CNTNAP2: variants seen among roughly 807,000 people sequenced by gnomAD.
CNTNAP2 encodes the protein contactin-associated protein-like 2.
CNTNAP2 carries 98 observed loss-of-function variants against 155.2 expected under a neutral mutation model. The ratio of observed to expected loss-of-function variants is 0.63; its 90% CI spans 0.54 to 0.75. CNTNAP2 has a LOEUF of 0.75. CNTNAP2 is among the 30% of genes least tolerant of loss of function. The pLI is 0.00. For missense variants in CNTNAP2, 1,727 were observed against 1,688.1 expected (o/e 1.02, Z -0.40); for synonymous variants, 651 against 631.2 (o/e 1.03, Z -0.47).
intron 1 of CNTNAP2, among the ~76,000 whole-genome samples, chr7:146,567,920 C>T (rs1469217686): frequency 1.3e-5 from 2 of 152,144 alleles, no homozygotes; most frequent in African/African-American, 4.8e-5. Context: ...CGGGGTTTCA[C>T]TGTGTTAGCC....
At chr7:147,653,962 C>T (rs1584881320) in intron 13 of CNTNAP2, among the ~76,000 whole-genome samples, 2 of 152,096 alleles carry the variant, frequency 1.3e-5, no homozygotes, top group South Asian at 2.1e-4. Context: ...CATTATGAGA[C>T]GTTGAAGTAT....
At chr7:147,583,465 T>C (rs936143465) in intron 12 of CNTNAP2, among the ~76,000 whole-genome samples, 41 of 146,646 alleles carry the variant, frequency 2.8e-4, no homozygotes, top group African/African-American at 9.3e-4. Flanking sequence ...ACAAATACCA[T>C]TCTGCTCATT....
chr7:147,784,553 G>GT lies in CNTNAP2; in HGVS notation c.2099-119005dup, dbSNP rs1215840017. ...TATATATATATATATATATATATGAGTTTTTTTGAGTGCAAAGAGCTTGGG... is the reference window on the plus strand; with the variant it reads ...TATATATATATATATATATATATGAGTTTTTTTTGAGTGCAAAGAGCTTGGG... On this transcript the variant is annotated intron_variant, in intron 13 of 23. Transcript: ENST00000361727. Among the ~76,000 whole-genome samples, 3 of 79,724 alleles carry GT rather than the reference G, an allele frequency of 3.8e-5. No individual in the cohort carries two copies. The East Asian group carries it at 1.0e-3, about 27-fold the overall frequency. The allele number at this position is 79,724 out of a possible 152,430, so 52.3% of individuals were successfully genotyped here.
chr7:146,970,821 A>T (rs528547188), intron 3 of CNTNAP2, among the ~76,000 whole-genome samples: 22 of 152,318 alleles, frequency 1.4e-4, no homozygotes, highest in African/African-American at 5.3e-4. Flanking sequence ...CAAATGTCCA[A>T]CAATGATAGA....
chr7:147,613,350 C>G (rs1801222785), intron 12 of CNTNAP2, among the ~76,000 whole-genome samples: 1 of 152,164 alleles, frequency 6.6e-6, no homozygotes. Flanking sequence ...TTTCTGTTAA[C>G]TACTTGTAGA....
chr7:147,548,516 A>G (rs1282080715), intron 11 of CNTNAP2, among the ~76,000 whole-genome samples: 1 of 152,214 alleles, frequency 6.6e-6, no homozygotes, highest in Admixed American at 6.5e-5. Flanking sequence ...GACCTTTGTC[A>G]GATGGGTAGA....
chr7:146,763,876 A>G (rs1054641598), intron 1 of CNTNAP2, among the ~76,000 whole-genome samples: 1 of 152,156 alleles, frequency 6.6e-6, no homozygotes, highest in African/African-American at 2.4e-5. Context: ...TACTGGCTCT[A>G]TAGCGCTCCA....
intron 12 of CNTNAP2, among the ~76,000 whole-genome samples, chr7:147,635,508 A>T (rs928851015): frequency 6.6e-6 from 1 of 152,106 alleles, no homozygotes; most frequent in Non-Finnish European, 1.5e-5. Flanking sequence ...TATCGTAAGC[A>T]CTCAATAATA....
At chr7:148,059,013 G>T (rs539496678) in intron 15 of CNTNAP2, among the ~76,000 whole-genome samples, 59 of 152,260 alleles carry the variant, frequency 3.9e-4, no homozygotes, top group African/African-American at 1.1e-3. Context: ...GGGCTCGGTG[G>T]CTCATGCCTG....
intron 21 of CNTNAP2, among the ~76,000 whole-genome samples, chr7:148,290,849 C>A (rs1797176936): frequency 6.6e-6 from 1 of 152,182 alleles, no homozygotes; most frequent in African/African-American, 2.4e-5. Context: ...CATTCCTGTC[C>A]CTGAGGACCA....
Position 146,980,743 on chromosome 7 carries a change from A to G in CNTNAP2, c.403-63164A>G, listed in dbSNP as rs78556743. ...ATCACCAAGGCAACTGCGCTAAACT[A>G]TTCATGATCCCTTGTAATCCAAACA... On this transcript the variant is annotated intron_variant, in intron 3 of 23. Coordinates refer to ENST00000361727, the MANE Select transcript of CNTNAP2 (RefSeq NM_014141.6). Among the ~76,000 whole-genome samples, 324 of 152,270 alleles carry G rather than the reference A, an allele frequency of 2.1e-3. 8 individuals are homozygous for G. The East Asian group carries it at 0.054, about 25-fold the overall frequency.
At chr7:146,866,439 T>C (rs1004251102) in intron 3 of CNTNAP2, among the ~76,000 whole-genome samples, 5 of 152,128 alleles carry the variant, frequency 3.3e-5, no homozygotes, top group Non-Finnish European at 7.4e-5. Flanking sequence ...ATATTAATAA[T>C]TTATTTAACC....
intron 15 of CNTNAP2, among the ~76,000 whole-genome samples, chr7:148,031,050 A>G (rs1802467811): frequency 6.6e-6 from 1 of 152,206 alleles, no homozygotes; most frequent in Non-Finnish European, 1.5e-5. Flanking sequence ...AAAGTTTTCA[A>G]GCATGAAGTG....
intron 3 of CNTNAP2, among the ~76,000 whole-genome samples, chr7:147,005,125 G>T (rs1798502213): frequency 6.6e-6 from 1 of 152,010 alleles, no homozygotes; most frequent in Non-Finnish European, 1.5e-5. Context: ...TTTTTAAAAT[G>T]ATCCAAAATA....
At chr7:147,598,424 C>T (rs1224070626) in intron 12 of CNTNAP2, among the ~76,000 whole-genome samples, 1 of 152,138 alleles carries the variant, frequency 6.6e-6, no homozygotes, top group Non-Finnish European at 1.5e-5. Flanking sequence ...CGAGTGAGAA[C>T]ATACAGTGTT....
Position 146,532,800 on chromosome 7 carries a change from A to C in CNTNAP2, c.98-241471A>C, listed in dbSNP as rs572223590. On this transcript the variant is annotated intron_variant, in intron 1 of 23. Transcript: ENST00000361727. ...GGTCATAGAGGGAATTAAGAGCAGAATTGGCCAGGCGTGGTGGATCAGGCC... is the reference window on the plus strand; with the variant it reads ...GGTCATAGAGGGAATTAAGAGCAGACTTGGCCAGGCGTGGTGGATCAGGCC... 3.3e-5 allele frequency among the ~76,000 whole-genome samples: 5 copies of C among 152,122 alleles called. No homozygotes were observed. In the South Asian group the frequency reaches 8.3e-4, roughly 25 times the overall value.
intron 15 of CNTNAP2, among the ~76,000 whole-genome samples, chr7:148,083,713 T>C (rs1295249251): frequency 1.3e-5 from 2 of 152,216 alleles, no homozygotes; most frequent in Non-Finnish European, 2.9e-5. Flanking sequence ...GACTTATCTC[T>C]AGAGCCTCTC....
At chr7:148,219,742 G>T (rs995333234) in intron 19 of CNTNAP2, among the ~76,000 whole-genome samples, 1 of 152,136 alleles carries the variant, frequency 6.6e-6, no homozygotes, top group Non-Finnish European at 1.5e-5. Flanking sequence ...GCTGAGGGGG[G>T]AGGATCGCTG....
intron 17 of CNTNAP2, among the ~76,000 whole-genome samples, chr7:148,170,138 T>C (rs1237604915): frequency 6.6e-6 from 1 of 152,248 alleles, no homozygotes; most frequent in African/African-American, 2.4e-5. Context: ...ATCTGTTTTG[T>C]ATTCTGCTTC....
Sources: gnomAD v4.1 joint callset for allele counts (sites outside exome capture counted in the v4.1 genomes callset) on GRCh38, gnomAD v4.1.1 for gene constraint, MANE v1.5 for transcripts, NCBI Gene and HGNC (gene_info 2026-07-23, HGNC 2026-07-21) for gene names.